DGKG: variants seen among roughly 807,000 people sequenced by gnomAD.
The protein encoded by DGKG is DAG kinase gamma.
In DGKG, 78 loss-of-function variants were observed where a neutral mutation model predicts 105.3. The observed-to-expected ratio is 0.74, with a 90% confidence interval of 0.62 to 0.89. The LOEUF (loss-of-function observed/expected upper bound fraction) is 0.89. Ranked by LOEUF, DGKG falls within the 40% of genes least tolerant of loss-of-function variation. The probability of loss-of-function intolerance (pLI) is 0.00; values close to 1 mark genes in which losing one functional copy is unlikely to be tolerated. For synonymous variants in DGKG, 346 were observed against 367.1 expected (o/e 0.94, Z 0.66); for missense variants, 958 against 1,020.1 (o/e 0.94, Z 0.83).
At chr3:186,295,825 A>C (rs947873451) in intron 5 of DGKG, among the ~76,000 whole-genome samples, 2 of 151,930 alleles carry the variant, frequency 1.3e-5, no homozygotes, top group African/African-American at 2.4e-5. Context: ...TTAAGAATAG[A>C]GTATACTTCT....
chr3:186,282,049 T>A (rs960718319), intron 7 of DGKG, among the ~76,000 whole-genome samples: 6 of 152,174 alleles, frequency 3.9e-5, no homozygotes, highest in African/African-American at 1.4e-4. Flanking sequence ...GAGAAGATTT[T>A]AGGGGAGATG....
At chr3:186,245,080 G>A (rs886857186) in intron 19 of DGKG, among the ~76,000 whole-genome samples, 1 of 152,112 alleles carries the variant, frequency 6.6e-6, no homozygotes, top group Non-Finnish European at 1.5e-5. Flanking sequence ...TTTGTACTTC[G>A]CTATCCCCTA....
At chr3:186,160,510 G>A in intron 24 of DGKG, 2 of 985,274 alleles carry the variant, frequency 2.0e-6, no homozygotes, top group Non-Finnish European at 1.2e-6. Context: ...TAAGATTGAG[G>A]TAAGATTTTT....
chr3:186,309,709 C>G (rs886500795), intron 2 of DGKG, among the ~76,000 whole-genome samples: 1 of 152,148 alleles, frequency 6.6e-6, no homozygotes, highest in Non-Finnish European at 1.5e-5. Context: ...GATTGAGAAC[C>G]AGTGGAGTAA....
At chr3:186,155,781 G>C (rs191872070) in intron 24 of DGKG, among the ~76,000 whole-genome samples, 3 of 152,306 alleles carry the variant, frequency 2.0e-5, no homozygotes, top group East Asian at 3.9e-4. Flanking sequence ...CACTGTATGA[G>C]TGTCCTGGTC....
At chr3:186,214,270 G>C (rs549497476) in intron 20 of DGKG, among the ~76,000 whole-genome samples, 105 of 152,272 alleles carry the variant, frequency 6.9e-4, no homozygotes, top group African/African-American at 2.5e-3. Flanking sequence ...ATGTTTTTAA[G>C]CCTCAGTTTC....
chr3:186,148,661 GTC>G lies in DGKG; in HGVS notation c.*1427_*1428del. ...GCATTAGCCAAGACACCATGGAAAA[GTC>G]TCTGAACTTTTCTGAGACTCAATTT... On this transcript the variant is annotated 3_prime_UTR_variant, in exon 25 of 25. Coordinates refer to ENST00000265022, the MANE Select transcript of DGKG (RefSeq NM_001346.3). The G allele has an allele frequency of 1.0e-6, 1 of 985,290 alleles. No homozygotes were observed. The highest frequency in any genetic ancestry group is 1.2e-6 in the Non-Finnish European group (1 of 829,854). The allele number at this position is 985,290 out of a possible 1,614,324, so 61.0% of individuals were successfully genotyped here. A position where few individuals can be genotyped will look rare whatever the true frequency, so the allele number is the denominator to read the frequency against.
intron 20 of DGKG, among the ~76,000 whole-genome samples, chr3:186,236,175 A>G (rs1720412231): frequency 6.6e-6 from 1 of 152,180 alleles, no homozygotes; most frequent in Non-Finnish European, 1.5e-5. Context: ...CCCCCAGGAG[A>G]AGGATTTGGG....
rs188160528 is a variant in DGKG, at chr3:186,321,831, G to A, written c.-248-1124C>T. 2.4e-3 allele frequency among the ~76,000 whole-genome samples: 372 copies of A among 152,268 alleles called. 3 individuals carry two copies. The highest frequency in any genetic ancestry group is 2.2e-3 in the Non-Finnish European group (152 of 68,014). ...TATAAAGAAAACCTTCCATTAACCA[G>A]AATGCATGGCAAGGAAATGAGAGAC... On this transcript the variant is annotated intron_variant, in intron 1 of 24. Transcript: ENST00000265022.
chr3:186,280,838 G>A (rs1722799511), intron 7 of DGKG, 94 bp from the exon 8 acceptor site: 1 of 1,016,682 alleles, frequency 9.8e-7, no homozygotes, highest in African/African-American at 1.6e-5. Flanking sequence ...TGGGAAGAGG[G>A]ACAGGGCAGG....
At chr3:186,268,736 C>T (rs1722175328) in intron 12 of DGKG, 65 bp downstream of exon 12, 2 of 1,188,334 alleles carry the variant, frequency 1.7e-6, no homozygotes, top group Non-Finnish European at 2.5e-6. Context: ...ATTCACTGCT[C>T]CTGGGCTGCA....
intron 20 of DGKG, among the ~76,000 whole-genome samples, chr3:186,214,108 G>A (rs946537212): frequency 2.6e-5 from 4 of 152,108 alleles, no homozygotes; most frequent in African/African-American, 4.8e-5. Flanking sequence ...AAAAGTTTCC[G>A]GAAGCCACAG....
intron 24 of DGKG, chr3:186,158,260 C>T: frequency 2.7e-6 from 2 of 747,608 alleles, no homozygotes; most frequent in Non-Finnish European, 3.3e-6. Flanking sequence ...TTATTCATTA[C>T]ATTTTACTTC....
intron 19 of DGKG, among the ~76,000 whole-genome samples, chr3:186,244,987 G>A (rs1481153766): frequency 1.3e-5 from 2 of 151,982 alleles, no homozygotes; most frequent in African/African-American, 2.4e-5. Context: ...CTATTCCTTT[G>A]AAGCACTAAT....
chr3:186,232,908 C>T (rs1720223361), intron 20 of DGKG, among the ~76,000 whole-genome samples: 1 of 152,114 alleles, frequency 6.6e-6, no homozygotes. Context: ...GATGTAGGAT[C>T]TGTCTTTGTA....
intron 24 of DGKG, among the ~76,000 whole-genome samples, chr3:186,150,795 G>T (rs1384065677): frequency 6.6e-6 from 1 of 152,168 alleles, no homozygotes; most frequent in African/African-American, 2.4e-5. Flanking sequence ...AAATTTTAGG[G>T]TTTATAAGTG....
intron 2 of DGKG, among the ~76,000 whole-genome samples, chr3:186,312,460 C>T (rs759682): frequency 0.012 from 1,823 of 152,232 alleles, 31 homozygotes; most frequent in African/African-American, 0.041. Context: ...ACTTGATACG[C>T]AGGCTCTAAG....
intron 2 of DGKG, among the ~76,000 whole-genome samples, chr3:186,318,371 C>G (rs1188449441): frequency 6.6e-6 from 1 of 152,200 alleles, no homozygotes; most frequent in Non-Finnish European, 1.5e-5. Flanking sequence ...CCAAACATTC[C>G]TTTTGCTTCC....
At chr3:186,163,077 C>T (rs140746227) in intron 23 of DGKG, among the ~76,000 whole-genome samples, 69 of 152,272 alleles carry the variant, frequency 4.5e-4, no homozygotes, top group African/African-American at 1.6e-3. Flanking sequence ...ATGATTATAG[C>T]TCACTGCAGC....
Sources: gnomAD v4.1 joint callset for allele counts (sites outside exome capture counted in the v4.1 genomes callset) on GRCh38, gnomAD v4.1.1 for gene constraint, MANE v1.5 for transcripts, NCBI Gene and HGNC (gene_info 2026-07-23, HGNC 2026-07-21) for gene names.